Variants in CNTN4 observed in about 807,000 individuals in gnomAD.
The protein encoded by CNTN4 is contactin 4.
In CNTN4, 77 loss-of-function variants were observed where a neutral mutation model predicts 122.5. That is an observed-to-expected ratio of 0.63 (90% CI 0.52 to 0.76). The LOEUF (loss-of-function observed/expected upper bound fraction) is 0.76, where lower values mean the gene tolerates loss of function less well. Ranked by LOEUF, CNTN4 falls within the 30% of genes least tolerant of loss-of-function variation. CNTN4 has a pLI of 0.00. For synonymous variants in CNTN4, 512 were observed against 447.0 expected (o/e 1.15, Z -1.83); for missense variants, 1,256 against 1,259.1 (o/e 1.00, Z 0.04).
At chr3:2,394,879 T>A (rs539338096) in intron 3 of CNTN4, among the ~76,000 whole-genome samples, 2 of 148,076 alleles carry the variant, frequency 1.4e-5, no homozygotes, top group South Asian at 4.5e-4. Context: ...CTCTGCCTCC[T>A]GGGTTCAAGT....
intron 5 of CNTN4, among the ~76,000 whole-genome samples, chr3:2,740,039 T>C (rs76413253): frequency 1.7e-3 from 252 of 151,896 alleles, no homozygotes; most frequent in East Asian, 5.4e-3. Context: ...CCTTTTTTTT[T>C]CCCCCAAGTA....
intron 3 of CNTN4, among the ~76,000 whole-genome samples, chr3:2,557,550 A>T (rs2078770289): frequency 1.3e-5 from 2 of 152,016 alleles, no homozygotes; most frequent in Non-Finnish European, 2.9e-5. Flanking sequence ...ACACGGTGAA[A>T]CCCCATCTCT....
At chr3:2,309,076 T>G (rs953512888) in intron 2 of CNTN4, among the ~76,000 whole-genome samples, 2 of 152,156 alleles carry the variant, frequency 1.3e-5, no homozygotes, top group Non-Finnish European at 2.9e-5. Flanking sequence ...TCAACTATTA[T>G]TGTTGAATTT....
intron 4 of CNTN4, among the ~76,000 whole-genome samples, chr3:2,729,461 T>A (rs570005500): frequency 7.3e-6 from 1 of 136,178 alleles, no homozygotes; most frequent in Non-Finnish European, 1.5e-5. Context: ...GGAGAATCGC[T>A]CAAACCTGGG....
chr3:2,270,480 T>G (rs1268155869), intron 2 of CNTN4, among the ~76,000 whole-genome samples: 1 of 149,072 alleles, frequency 6.7e-6, no homozygotes, highest in East Asian at 1.9e-4. Context: ...GGGATTGCCT[T>G]ATGTTAATAC....
chr3:2,556,914 G>A (rs1037213158), intron 3 of CNTN4, among the ~76,000 whole-genome samples: 3 of 152,116 alleles, frequency 2.0e-5, no homozygotes, highest in African/African-American at 7.2e-5. Context: ...TGAAAATGCT[G>A]TCTTGAAATT....
intron 2 of CNTN4, among the ~76,000 whole-genome samples, chr3:2,157,348 A>C (rs942013245): frequency 2.0e-5 from 3 of 152,118 alleles, no homozygotes; most frequent in African/African-American, 7.2e-5. Context: ...GAAATGAGAC[A>C]GGTGGGGAAG....
intron 2 of CNTN4, among the ~76,000 whole-genome samples, chr3:2,276,989 A>G (rs2041536848): frequency 6.6e-6 from 1 of 152,176 alleles, no homozygotes; most frequent in Non-Finnish European, 1.5e-5. Context: ...ATGCCACAGG[A>G]TGGCTCAGGA....
At chr3:2,979,281 G>A (rs533057020) in intron 13 of CNTN4, among the ~76,000 whole-genome samples, 2 of 152,216 alleles carry the variant, frequency 1.3e-5, no homozygotes, top group Non-Finnish European at 1.5e-5. Flanking sequence ...GAACTTGCCC[G>A]GTAGGGAGTG....
rs183560840 is a variant in CNTN4 at position 2,846,857 on chromosome 3, G to A, written c.455-19895G>A. 5.9e-5 allele frequency among the ~76,000 whole-genome samples: 9 copies of A among 152,286 alleles called. No individual in the cohort carries two copies. In the East Asian group the frequency reaches 1.5e-3, roughly 26 times the overall value. On this transcript the variant is annotated intron_variant, in intron 7 of 24. Transcript: ENST00000418658. Reference sequence around the variant, plus strand: ...ACTAAAAATACAAAATTAGCTGGGTGTGGTGGTGCATGCCTATAATCCCAG... The same window carrying A: ...ACTAAAAATACAAAATTAGCTGGGTATGGTGGTGCATGCCTATAATCCCAG...
chr3:2,524,847 T>A (rs887085550), intron 3 of CNTN4, among the ~76,000 whole-genome samples: 7 of 152,094 alleles, frequency 4.6e-5, no homozygotes, highest in Admixed American at 2.0e-4. Flanking sequence ...AATTGTTTAG[T>A]TAACACAATA....
At chr3:2,942,792 A>G (rs1482606183) in intron 13 of CNTN4, among the ~76,000 whole-genome samples, 2 of 152,210 alleles carry the variant, frequency 1.3e-5, no homozygotes, top group African/African-American at 4.8e-5. Context: ...AATCCTTAAT[A>G]TGTTGATTAC....
At chr3:2,244,259 G>T (rs1038895790) in intron 2 of CNTN4, among the ~76,000 whole-genome samples, 5 of 152,002 alleles carry the variant, frequency 3.3e-5, no homozygotes, top group Non-Finnish European at 7.4e-5. Flanking sequence ...GTGTCTCTCT[G>T]TCATCTCAAA....
chr3:2,470,859 T>C (rs920574287), intron 3 of CNTN4, among the ~76,000 whole-genome samples: 6 of 152,200 alleles, frequency 3.9e-5, no homozygotes, highest in African/African-American at 7.2e-5. Context: ...TAGACAACTA[T>C]GTTTGAGACG....
chr3:2,777,478 T>C (rs1349042680), intron 6 of CNTN4, among the ~76,000 whole-genome samples: 1 of 152,208 alleles, frequency 6.6e-6, no homozygotes, highest in East Asian at 1.9e-4. Flanking sequence ...GTACCTGGCA[T>C]GGATTACCCA....
intron 3 of CNTN4, among the ~76,000 whole-genome samples, chr3:2,394,604 C>G (rs1333504962): frequency 1.3e-5 from 2 of 152,050 alleles, no homozygotes; most frequent in African/African-American, 4.8e-5. Flanking sequence ...GCAACTAGAA[C>G]TCTCATGTGT....
intron 7 of CNTN4, among the ~76,000 whole-genome samples, chr3:2,822,321 C>G (rs1276009565): frequency 6.6e-6 from 1 of 152,180 alleles, no homozygotes; most frequent in Non-Finnish European, 1.5e-5. Flanking sequence ...CTCTGCCTGT[C>G]TATAAAATGA....
At chr3:2,752,122 GTCCC>G (rs2090124902) in intron 6 of CNTN4, among the ~76,000 whole-genome samples, 1 of 151,896 alleles carries the variant, frequency 6.6e-6, no homozygotes, top group South Asian at 2.1e-4. Context: ...TCCCCTTTCT[GTCCC>G]TCCATGTCCT....
chr3:2,818,484 A>G (rs1451610873), intron 6 of CNTN4, among the ~76,000 whole-genome samples: 1 of 152,186 alleles, frequency 6.6e-6, no homozygotes, highest in Non-Finnish European at 1.5e-5. Context: ...ATGGTTTGCA[A>G]CCCTGCACAA....
Sources: gnomAD v4.1 joint callset for allele counts (sites outside exome capture counted in the v4.1 genomes callset) on GRCh38, gnomAD v4.1.1 for gene constraint, MANE v1.5 for transcripts, NCBI Gene and HGNC (gene_info 2026-07-23, HGNC 2026-07-21) for gene names.